Variants in ASTN2 observed in about 807,000 individuals in gnomAD.
ASTN2 encodes the protein astrotactin 2, also known as astrotactin-2.
In ASTN2, 54 loss-of-function variants were observed where a neutral mutation model predicts 139.8. The ratio of observed to expected loss-of-function variants is 0.39; its 90% CI spans 0.31 to 0.48. The LOEUF is 0.48. ASTN2 is among the 20% of genes least tolerant of loss of function. The pLI is 0.95. For synonymous variants in ASTN2, 756 were observed against 719.5 expected (o/e 1.05, Z -0.81); for missense variants, 1,565 against 1,725.1 (o/e 0.91, Z 1.64).
intron 1 of ASTN2, among the ~76,000 whole-genome samples, chr9:117,366,915 C>T (rs1164609245): frequency 6.6e-6 from 1 of 152,094 alleles, no homozygotes; most frequent in Non-Finnish European, 1.5e-5. Flanking sequence ...GCTGGGACTA[C>T]AGGTGCACAC....
At chr9:116,791,031 GAAA>G (rs1830538369) in intron 13 of ASTN2, among the ~76,000 whole-genome samples, 1 of 113,888 alleles carries the variant, frequency 8.8e-6, no homozygotes, top group Non-Finnish European at 1.9e-5. Context: ...AAGAAAGAAA[GAAA>G]GAAAGAAAGA....
intron 11 of ASTN2, among the ~76,000 whole-genome samples, chr9:116,840,982 C>A (rs540749820): frequency 6.6e-6 from 1 of 152,064 alleles, no homozygotes; most frequent in East Asian, 2.0e-4. Flanking sequence ...GGGTGGCGGC[C>A]GGGCAGAGGC....
chr9:117,199,153 A>T (rs1831613567), intron 3 of ASTN2, among the ~76,000 whole-genome samples: 1 of 152,112 alleles, frequency 6.6e-6, no homozygotes, highest in African/African-American at 2.4e-5. Context: ...CCATTTGTCA[A>T]TTTTGGCTTT....
chr9:116,910,207 G>A (rs1834273205), intron 10 of ASTN2, among the ~76,000 whole-genome samples: 1 of 151,754 alleles, frequency 6.6e-6, no homozygotes, highest in South Asian at 2.1e-4. Context: ...GCATAGAATT[G>A]AATATTTATT....
At chr9:116,931,289 A>G (rs1421881594) in intron 10 of ASTN2, among the ~76,000 whole-genome samples, 1 of 152,036 alleles carries the variant, frequency 6.6e-6, no homozygotes, top group Admixed American at 6.6e-5. Context: ...TCATTTTATT[A>G]TGGTGGAGAC....
chr9:116,863,632 C>A lies in ASTN2; in HGVS notation c.1991G>T (p.Arg664Leu), dbSNP rs750439078. The A allele has an allele frequency of 3.7e-6, 6 of 1,614,156 alleles. No homozygotes were observed. Among genetic ancestry groups the A allele is most frequent in the Middle Eastern group, 1.6e-4 (1 of 6,062 alleles). The part of the protein sequence containing the change: ...DCSRNNGGCT[R>L]NFKCVSDRQV... Reference sequence around the variant, plus strand: ...CCGGTCAGACACACACTTGAAGTTGCGAGTGCAGCCCCCATTGTTCCGAGA... The same window carrying A: ...CCGGTCAGACACACACTTGAAGTTGAGAGTGCAGCCCCCATTGTTCCGAGA... Residue 664 changes from arginine (R) to leucine (L), a missense_variant, in exon 11 of 23, where the codon CGC (arginine) becomes CTC (leucine). Arg to Leu is a moderately radical substitution (Grantham distance 102). Coordinates refer to ENST00000313400, the MANE Select transcript of ASTN2 (RefSeq NM_001365068.1).
chr9:117,279,045 G>A (rs758532685), intron 2 of ASTN2, among the ~76,000 whole-genome samples: 3 of 152,132 alleles, frequency 2.0e-5, no homozygotes, highest in Admixed American at 6.5e-5. Flanking sequence ...TTTTTAAAAC[G>A]CTTTTGTTTT....
chr9:116,699,451 C>A lies in ASTN2; in HGVS notation c.2806+26320G>T. 1 of 1,614,176 alleles carries A rather than the reference C, an allele frequency of 6.2e-7. No homozygotes were observed. The highest frequency in any genetic ancestry group is 8.5e-7 in the Non-Finnish European group (1 of 1,180,040). On this transcript the variant is annotated intron_variant, in intron 16 of 22. Transcript: ENST00000313400. This position sits in a 1 kb window ranked among gnomAD's most constrained non-coding sequence, Gnocchi z 4.2. ...GGTCGCCAGATTAGCCACTTCTTCT[C>A]GGAGAATGAGGATTTCCGCTGCATT... is the stretch of plus-strand genomic sequence containing the variant.
At chr9:116,579,554 G>A (rs1453699913) in intron 19 of ASTN2, among the ~76,000 whole-genome samples, 1 of 152,074 alleles carries the variant, frequency 6.6e-6, no homozygotes, top group East Asian at 1.9e-4. Context: ...AGAGTGAAAG[G>A]AACATTATAC....
intron 22 of ASTN2, among the ~76,000 whole-genome samples, chr9:116,428,342 AC>A (rs1847375318): frequency 6.6e-6 from 1 of 152,096 alleles, no homozygotes; most frequent in Non-Finnish European, 1.5e-5. Context: ...TGGCCAACAT[AC>A]TGAAACCCTG....
chr9:117,095,990 C>A, intron 5 of ASTN2, 54 bp downstream of exon 5: 1 of 1,533,380 alleles, frequency 6.5e-7, no homozygotes. Context: ...AATCTGATTT[C>A]CAGGATTTCC....
Position 116,718,972 on chromosome 9 carries a change from G to GTGTGTGTGTGTATA in ASTN2, c.2806+6798_2806+6799insTATACACACACACA, listed in dbSNP as rs56991546. Among the ~76,000 whole-genome samples, 49 of 99,988 alleles carry GTGTGTGTGTGTATA rather than the reference G, an allele frequency of 4.9e-4. 1 individual carries two copies. The highest frequency in any genetic ancestry group is 1.8e-3 in the African/African-American group (46 of 25,998). 65.6% of individuals were successfully genotyped at this position (99,988 alleles called of 152,430 possible). On this transcript the variant is annotated intron_variant, in intron 16 of 22. Transcript: ENST00000313400. The stretch of plus-strand genomic sequence containing the variant: ...TATTTACATATCTATACCTGTATCT[G>GTGTGTGTGTGTATA]TACATATATATATATATATCTGCCT...
chr9:116,661,852 G>A (rs577368924), intron 16 of ASTN2, among the ~76,000 whole-genome samples: 4 of 152,016 alleles, frequency 2.6e-5, no homozygotes, highest in African/African-American at 9.7e-5. Flanking sequence ...ATCACACACC[G>A]GGGCCTGTTG....
chr9:116,832,287 A>G (rs1731580978), intron 11 of ASTN2, among the ~76,000 whole-genome samples: 1 of 152,152 alleles, frequency 6.6e-6, no homozygotes, highest in African/African-American at 2.4e-5. Context: ...TGATCTGCCA[A>G]TGGGTAAGTC....
intron 16 of ASTN2, among the ~76,000 whole-genome samples, chr9:116,661,928 G>A (rs1460402160): frequency 6.6e-6 from 1 of 151,508 alleles, no homozygotes; most frequent in African/African-American, 2.4e-5. Context: ...TGAGTTAATG[G>A]GTGCAGCACA....
At chr9:116,720,131 C>T (rs1640752661) in intron 16 of ASTN2, among the ~76,000 whole-genome samples, 1 of 152,188 alleles carries the variant, frequency 6.6e-6, no homozygotes, top group Admixed American at 6.5e-5. Flanking sequence ...TCTCCTCCTC[C>T]ACCCACAACC....
At chr9:117,145,821 C>G (rs1830181590) in intron 3 of ASTN2, among the ~76,000 whole-genome samples, 1 of 152,132 alleles carries the variant, frequency 6.6e-6, no homozygotes, top group South Asian at 2.1e-4. Context: ...CAGCTTCCCT[C>G]TCTTTTTTTT....
chr9:116,943,352 C>T (rs1835291718), intron 10 of ASTN2, among the ~76,000 whole-genome samples: 1 of 152,152 alleles, frequency 6.6e-6, no homozygotes, highest in African/African-American at 2.4e-5. Flanking sequence ...CTACTGCTAG[C>T]ACCTTTCTTT....
intron 1 of ASTN2, among the ~76,000 whole-genome samples, chr9:117,297,046 C>T (rs185095467): frequency 2.0e-5 from 3 of 152,322 alleles, no homozygotes; most frequent in African/African-American, 7.2e-5. Flanking sequence ...TAATCTATGG[C>T]ACTCATTGTA....
Sources: gnomAD v4.1 joint callset for allele counts (sites outside exome capture counted in the v4.1 genomes callset) on GRCh38, gnomAD v4.1.1 for gene constraint, Gnocchi (gnomAD v3.1) non-coding constraint, MANE v1.5 for transcripts, NCBI Gene and HGNC (gene_info 2026-07-23, HGNC 2026-07-21) for gene names.